Variants in CAST observed in about 807,000 individuals in gnomAD.
The protein encoded by CAST is MIR583 host.
In CAST, 76 loss-of-function variants were observed where a neutral mutation model predicts 119.6. The observed-to-expected ratio is 0.64, with a 90% CI of 0.53 to 0.77. The LOEUF is 0.77. Among genes scored for constraint, CAST ranks in the 30% least tolerant of loss-of-function variants. CAST has a pLI of 0.00. For synonymous variants in CAST, 319 were observed against 331.6 expected, an observed-to-expected ratio of 0.96 and a Z score of 0.41; for missense variants, 953 against 946.5, an observed-to-expected ratio of 1.01 and a Z score of -0.09.
intron 2 of CAST, among the ~76,000 whole-genome samples, chr5:96,693,599 G>A (rs1752974497): frequency 6.6e-6 from 1 of 152,192 alleles, no homozygotes; most frequent in Non-Finnish European, 1.5e-5. Context: ...TTCCTCGCTG[G>A]AAAATGAGAG....
At chr5:96,712,552 C>T (rs991528071) in intron 3 of CAST, among the ~76,000 whole-genome samples, 1 of 152,180 alleles carries the variant, frequency 6.6e-6, no homozygotes, top group Non-Finnish European at 1.5e-5. Flanking sequence ...TGGTCTCTAA[C>T]TCCTGGGCTC....
chr5:96,013,269 A>G, the CAST span, among the ~76,000 whole-genome samples: 1 of 151,504 alleles, frequency 6.6e-6, no homozygotes, highest in South Asian at 2.1e-4. Context: ...CAAATTGCTC[A>G]CATATAAATA....
the CAST span, among the ~76,000 whole-genome samples, chr5:96,430,668 A>C: frequency 6.6e-6 from 1 of 152,240 alleles, no homozygotes; most frequent in Non-Finnish European, 1.5e-5. Context: ...CAGAACCAGG[A>C]ACGTGCTATC....
chr5:96,618,059 G>A (rs1459095783), intron 1 of CAST, among the ~76,000 whole-genome samples: 1 of 152,136 alleles, frequency 6.6e-6, no homozygotes, highest in Non-Finnish European at 1.5e-5. Context: ...GGGGGCCAGT[G>A]GCAGGAGCTT....
At chr5:96,244,149 A>C in the CAST span, among the ~76,000 whole-genome samples, 1 of 152,142 alleles carries the variant, frequency 6.6e-6, no homozygotes, top group Non-Finnish European at 1.5e-5. Context: ...GTTCTTCCCA[A>C]AGTCTGATCA....
chr5:96,703,788 G>A (rs527949122), intron 3 of CAST, among the ~76,000 whole-genome samples: 186 of 152,224 alleles, frequency 1.2e-3, no homozygotes, highest in African/African-American at 4.3e-3. Flanking sequence ...TTTTTCAGAG[G>A]AAAAACCTCT....
chr5:96,232,930 AAC>A, the CAST span, among the ~76,000 whole-genome samples: 1 of 152,110 alleles, frequency 6.6e-6, no homozygotes, highest in African/African-American at 2.4e-5. Context: ...TCTACTTCAA[AAC>A]ACAGTACTAT....
the CAST span, among the ~76,000 whole-genome samples, chr5:96,172,522 T>C: frequency 7.2e-5 from 11 of 152,196 alleles, no homozygotes; most frequent in Admixed American, 3.3e-4. Flanking sequence ...TAATATGCAG[T>C]TTGTCTAAAG....
At chr5:96,230,018 C>T in the CAST span, among the ~76,000 whole-genome samples, 2 of 152,104 alleles carry the variant, frequency 1.3e-5, no homozygotes, top group African/African-American at 2.4e-5. Flanking sequence ...GGGATAGTGA[C>T]AAAGCAGACA....
the CAST span, among the ~76,000 whole-genome samples, chr5:96,306,426 G>T: frequency 1.3e-5 from 2 of 151,830 alleles, no homozygotes; most frequent in Non-Finnish European, 2.9e-5. Flanking sequence ...TTTTTTGAAG[G>T]GTTTTTCATG....
chr5:96,590,419 C>T (rs1158262239), intron 1 of CAST, among the ~76,000 whole-genome samples: 7 of 152,162 alleles, frequency 4.6e-5, no homozygotes, highest in African/African-American at 1.7e-4. Flanking sequence ...GGTAAGGACT[C>T]ACCTAAGGAC....
chr5:96,187,102 A>G, the CAST span, among the ~76,000 whole-genome samples: 2 of 151,994 alleles, frequency 1.3e-5, no homozygotes, highest in African/African-American at 2.4e-5. Flanking sequence ...CCAGGAGTTT[A>G]TTCATTTCTT....
chr5:96,210,681 T>C, the CAST span, among the ~76,000 whole-genome samples: 19 of 152,046 alleles, frequency 1.2e-4, no homozygotes, highest in Non-Finnish European at 1.2e-4. Flanking sequence ...CTTTTTTATA[T>C]AAATGTTAGA....
At chr5:96,090,929 C>A in the CAST span, among the ~76,000 whole-genome samples, 1 of 151,998 alleles carries the variant, frequency 6.6e-6, no homozygotes, top group East Asian at 1.9e-4. Context: ...TTCTTCTGAG[C>A]TCTAGTGAGA....
chr5:96,452,676 C>G, the CAST span, among the ~76,000 whole-genome samples: 3 of 132,718 alleles, frequency 2.3e-5, no homozygotes, highest in Admixed American at 7.6e-5. Context: ...AGAGGCCGGG[C>G]GCGGTGGCTC....
chr5:96,439,620 G>A, the CAST span, among the ~76,000 whole-genome samples: 1 of 152,182 alleles, frequency 6.6e-6, no homozygotes, highest in African/African-American at 2.4e-5. Context: ...GACTGAGGGT[G>A]TTTTCCCCAG....
At chr5:96,497,807 A>G in the CAST span, among the ~76,000 whole-genome samples, 1 of 152,198 alleles carries the variant, frequency 6.6e-6, no homozygotes, top group Non-Finnish European at 1.5e-5. Flanking sequence ...CCCCTTCTGC[A>G]GGTTGCCTGT....
the CAST span, among the ~76,000 whole-genome samples, chr5:96,291,871 TG>T: frequency 5.9e-5 from 9 of 151,416 alleles, no homozygotes; most frequent in African/African-American, 2.2e-4. Flanking sequence ...TGTGTGTGTG[TG>T]TGTGTGTGTG....
At chr5:96,163,912 G>T in the CAST span, among the ~76,000 whole-genome samples, 1 of 152,148 alleles carries the variant, frequency 6.6e-6, no homozygotes, top group Admixed American at 6.5e-5. Context: ...CAGCTCTGCT[G>T]CTTATAAGGT....
Sources: allele counts gnomAD v4.1 joint callset (sites outside exome capture counted in the v4.1 genomes callset), GRCh38; gene constraint gnomAD v4.1.1; transcripts MANE v1.5; gene names NCBI Gene and HGNC (gene_info 2026-07-23, HGNC 2026-07-21).